The following NRXN3 variants were observed in gnomAD, a reference collection of about 807,000 sequenced individuals.
The protein encoded by NRXN3 is neurexin III.
Under a neutral mutation model 137.6 loss-of-function variants are expected in NRXN3, and 32 were observed. The observed-to-expected ratio is 0.23, with a 90% CI of 0.18 to 0.31. The LOEUF (loss-of-function observed/expected upper bound fraction) is 0.31, where lower values mean the gene tolerates loss of function less well. Ranked by LOEUF, NRXN3 falls within the 10% of genes least tolerant of loss-of-function variation. The pLI, the probability that NRXN3 is intolerant of heterozygous loss-of-function variation, is 1.00. For missense variants in NRXN3, 1,574 were observed against 2,062.5 expected (o/e 0.76, Z 4.59); for synonymous variants, 798 against 784.5 (o/e 1.02, Z -0.29).
intron 10 of NRXN3, among the ~76,000 whole-genome samples, chr14:78,937,401 C>A (rs982396882): frequency 6.6e-6 from 1 of 152,040 alleles, no homozygotes; most frequent in Non-Finnish European, 1.5e-5. Flanking sequence ...AGTGTTGCAT[C>A]CCTCTTTGAA....
intron 5 of NRXN3, among the ~76,000 whole-genome samples, chr14:78,648,696 GT>G (rs1451574257): frequency 6.6e-6 from 1 of 152,162 alleles, no homozygotes; most frequent in African/African-American, 2.4e-5. Flanking sequence ...AATGCTTTAA[GT>G]TTTTTCCTTT....
intron 15 of NRXN3, among the ~76,000 whole-genome samples, chr14:79,101,990 A>T (rs2051395960): frequency 6.6e-6 from 1 of 152,164 alleles, no homozygotes; most frequent in African/African-American, 2.4e-5. Context: ...TGCATCTACA[A>T]GCCAAGATAT....
chr14:78,829,530 T>A (rs934712196), intron 10 of NRXN3, among the ~76,000 whole-genome samples: 1 of 151,958 alleles, frequency 6.6e-6, no homozygotes, highest in African/African-American at 2.4e-5. Context: ...AGCTCAACTA[T>A]TAGTTTCACT....
chr14:79,403,070 C>A (rs2153496373), intron 15 of NRXN3, among the ~76,000 whole-genome samples: 1 of 152,110 alleles, frequency 6.6e-6, no homozygotes, highest in East Asian at 1.9e-4. Flanking sequence ...GGGGTGAATG[C>A]CATGTGCCAT....
chr14:79,449,853 T>A (rs1430887248), intron 15 of NRXN3, among the ~76,000 whole-genome samples: 4 of 151,728 alleles, frequency 2.6e-5, no homozygotes, highest in Non-Finnish European at 5.9e-5. Flanking sequence ...TAGCCGGGTG[T>A]GGTGGCAGGT....
intron 15 of NRXN3, among the ~76,000 whole-genome samples, chr14:79,278,727 A>G (rs986278648): frequency 5.9e-5 from 9 of 152,200 alleles, no homozygotes; most frequent in South Asian, 2.1e-4. Flanking sequence ...AGGACTGCCA[A>G]TCACGGAGCC....
intron 15 of NRXN3, among the ~76,000 whole-genome samples, chr14:79,455,971 G>T (rs1203887851): frequency 1.3e-5 from 2 of 151,844 alleles, no homozygotes; most frequent in Non-Finnish European, 2.9e-5. Context: ...TATTATTTGA[G>T]ACATTTTCTT....
In NRXN3 at chr14:78,662,287, A is replaced by T. The variant is rs80040499; in HGVS notation, c.1221+10961A>T. On this transcript the variant is annotated intron_variant, in intron 6 of 20. Coordinates refer to ENST00000335750, the MANE Select transcript of NRXN3 (RefSeq NM_001330195.2). ...CATTCAAGATCCTAACAACGTTAAG[A>T]AGGCTTAACTAATAGAACCAGGGTC... is the stretch of plus-strand genomic sequence containing the variant. Among the ~76,000 whole-genome samples the T allele has an allele frequency of 8.2e-3, 1,243 of 152,174 alleles. 90 individuals are homozygous for T. The East Asian group carries it at 0.18, about 22-fold the overall frequency.
intron 4 of NRXN3, among the ~76,000 whole-genome samples, chr14:78,608,960 G>C (rs777555681): frequency 1.3e-5 from 2 of 152,144 alleles, no homozygotes; most frequent in African/African-American, 4.8e-5. Context: ...CTGGGCATAG[G>C]GAGGCTTGTA....
intron 8 of NRXN3, 131 bp from the exon 9 acceptor site, chr14:78,803,489 G>C: frequency 3.9e-6 from 3 of 779,106 alleles, no homozygotes; most frequent in Non-Finnish European, 6.7e-6. Flanking sequence ...GTAACAACAA[G>C]GGTTCATCAA....
chr14:79,430,570 C>G (rs12435244), intron 15 of NRXN3, among the ~76,000 whole-genome samples: 42 of 152,250 alleles, frequency 2.8e-4, no homozygotes, highest in Admixed American at 1.2e-3. Flanking sequence ...ATTTTCTTCT[C>G]TTTCTTCACT....
chr14:79,323,993 G>C (rs989884708), intron 15 of NRXN3, among the ~76,000 whole-genome samples: 1 of 152,198 alleles, frequency 6.6e-6, no homozygotes, highest in Non-Finnish European at 1.5e-5. Flanking sequence ...TTCTATTGCT[G>C]GTCAATGCAG....
At chr14:79,278,917 A>G (rs536663250) in intron 15 of NRXN3, among the ~76,000 whole-genome samples, 257 of 152,288 alleles carry the variant, frequency 1.7e-3, no homozygotes, top group African/African-American at 5.9e-3. Context: ...GTGCGGCACC[A>G]CCGCGTGCAG....
intron 16 of NRXN3, among the ~76,000 whole-genome samples, chr14:79,650,048 C>A (rs1269788189): frequency 1.3e-5 from 2 of 152,108 alleles, no homozygotes; most frequent in Non-Finnish European, 2.9e-5. Flanking sequence ...TATCTCCGGG[C>A]AGGTAGTGCA....
At chr14:78,734,942 A>G (rs2098534766) in intron 8 of NRXN3, among the ~76,000 whole-genome samples, 1 of 152,216 alleles carries the variant, frequency 6.6e-6, no homozygotes, top group African/African-American at 2.4e-5. Context: ...ACCCTTGAAC[A>G]GCTATAAGCA....
intron 20 of NRXN3, among the ~76,000 whole-genome samples, chr14:79,809,745 C>T (rs2099224900): frequency 6.6e-6 from 1 of 152,182 alleles, no homozygotes; most frequent in Non-Finnish European, 1.5e-5. Flanking sequence ...TCGTTCTTTG[C>T]ATATAAACTG....
intron 4 of NRXN3, among the ~76,000 whole-genome samples, chr14:78,393,183 AT>A (rs59030425): frequency 0.012 from 1,742 of 147,868 alleles, 35 homozygotes; most frequent in African/African-American, 0.039. Flanking sequence ...AATACATGTG[AT>A]TTTTTTTTTT....
chr14:79,848,459 G>T (rs8014902), intron 20 of NRXN3, among the ~76,000 whole-genome samples: 3 of 151,464 alleles, frequency 2.0e-5, no homozygotes, highest in Non-Finnish European at 4.4e-5. Flanking sequence ...AATGTTTTTT[G>T]GTCTCATAAG....
At chr14:78,699,705 C>T (rs776159165) in intron 6 of NRXN3, among the ~76,000 whole-genome samples, 1 of 152,012 alleles carries the variant, frequency 6.6e-6, no homozygotes, top group Non-Finnish European at 1.5e-5. Context: ...ACCTATTCAC[C>T]TCATCTTAAT....
Sources: allele counts gnomAD v4.1 joint callset (sites outside exome capture counted in the v4.1 genomes callset), GRCh38; gene constraint gnomAD v4.1.1; transcripts MANE v1.5; gene names NCBI Gene and HGNC (gene_info 2026-07-23, HGNC 2026-07-21).